The following EPHA6 variants were observed in gnomAD, a reference collection of about 807,000 sequenced individuals.
EPHA6 encodes the protein EPH receptor A6, also known as ephrin type-A receptor 6.
In EPHA6, 50 loss-of-function variants were observed where a neutral mutation model predicts 112.0. The ratio of observed to expected loss-of-function variants is 0.45; its 90% CI spans 0.36 to 0.56. The LOEUF (loss-of-function observed/expected upper bound fraction) is 0.56. EPHA6 is among the 20% of genes least tolerant of loss of function. The pLI, the probability that EPHA6 is intolerant of heterozygous loss-of-function variation, is 0.00. For missense variants in EPHA6, 1,280 were observed against 1,417.4 expected (o/e 0.90, Z 1.56); for synonymous variants, 529 against 490.7 (o/e 1.08, Z -1.03).
chr3:97,098,208 C>A (rs535413658), intron 3 of EPHA6, among the ~76,000 whole-genome samples: 67 of 151,992 alleles, frequency 4.4e-4, no homozygotes, highest in Middle Eastern at 6.8e-3. Context: ...GTGCTGGACC[C>A]AGGGATTGGA....
chr3:97,008,274 C>T (rs1490026993), intron 3 of EPHA6, among the ~76,000 whole-genome samples: 1 of 152,134 alleles, frequency 6.6e-6, no homozygotes, highest in African/African-American at 2.4e-5. Context: ...TTTATGAAGT[C>T]ACATGTTTTT....
chr3:97,421,890 G>T (rs972963406), intron 6 of EPHA6, among the ~76,000 whole-genome samples: 1 of 151,824 alleles, frequency 6.6e-6, no homozygotes, highest in African/African-American at 2.4e-5. Flanking sequence ...CTAGGTAATA[G>T]GTACTGGGTA....
In EPHA6 at chr3:97,085,948, T is replaced by TATATATATAC. The variant is rs984404779; in HGVS notation, c.1114+97956_1114+97957insTATATATACA. Among the ~76,000 whole-genome samples the TATATATATAC allele has an allele frequency of 4.1e-4, 59 of 145,162 alleles. 1 individual carries two copies. The highest frequency in any genetic ancestry group is 1.1e-3 in the African/African-American group (39 of 36,328). ...GATGTCATATATATATATATATATA[T>TATATATATAC]ACACACTGAGATGGAGTCTCTTGTC... On this transcript the variant is annotated intron_variant, in intron 3 of 17. Transcript: ENST00000389672.
At chr3:97,669,253 TC>T (rs2030521494) in intron 14 of EPHA6, among the ~76,000 whole-genome samples, 1 of 151,968 alleles carries the variant, frequency 6.6e-6, no homozygotes, top group Non-Finnish European at 1.5e-5. Flanking sequence ...TCTTTTACTT[TC>T]TGTTTTGTTT....
chr3:97,615,398 C>G (rs2093757148), intron 13 of EPHA6, among the ~76,000 whole-genome samples: 1 of 152,140 alleles, frequency 6.6e-6, no homozygotes, highest in Non-Finnish European at 1.5e-5. Context: ...GACAGTGACT[C>G]AGGCAAGGTG....
intron 2 of EPHA6, among the ~76,000 whole-genome samples, chr3:96,881,326 T>G (rs1245843528): frequency 6.6e-6 from 1 of 152,190 alleles, no homozygotes; most frequent in African/African-American, 2.4e-5. Context: ...TCCACTTGGC[T>G]GGGGAAGCCT....
intron 3 of EPHA6, among the ~76,000 whole-genome samples, chr3:97,005,407 A>T (rs1477837776): frequency 1.3e-5 from 2 of 151,658 alleles, no homozygotes; most frequent in Non-Finnish European, 1.5e-5. Context: ...TCATGATTTG[A>T]CTCTCCGCTT....
At chr3:96,964,958 C>T (rs1434594677) in intron 2 of EPHA6, among the ~76,000 whole-genome samples, 1 of 152,080 alleles carries the variant, frequency 6.6e-6, no homozygotes, top group African/African-American at 2.4e-5. Context: ...CCCCCAGAAT[C>T]ACAGAAAATT....
intron 12 of EPHA6, among the ~76,000 whole-genome samples, chr3:97,601,243 C>T (rs2093640897): frequency 6.6e-6 from 1 of 152,088 alleles, no homozygotes; most frequent in Non-Finnish European, 1.5e-5. Flanking sequence ...AAGAAAAATT[C>T]TGAAAATCTT....
chr3:97,274,845 T>A lies in EPHA6; in HGVS notation c.1606+30558T>A, dbSNP rs1248560340. On this transcript the variant is annotated intron_variant, in intron 5 of 17. Transcript: ENST00000389672. ...GGGTCAGGTGTGGTATCCAGAATAA[T>A]GTGGGAGGCCGGATTGAAGTCCAGG... Among the ~76,000 whole-genome samples, 5 of 152,046 alleles carry A rather than the reference T, an allele frequency of 3.3e-5. No homozygotes were observed. The East Asian group carries it at 9.7e-4, about 29-fold the overall frequency.
At chr3:97,260,956 A>T (rs2079481224) in intron 5 of EPHA6, among the ~76,000 whole-genome samples, 1 of 152,218 alleles carries the variant, frequency 6.6e-6, no homozygotes, top group South Asian at 2.1e-4. Context: ...AGATGCAAAC[A>T]CCACAACCAC....
Position 97,592,700 on chromosome 3 carries a change from G to A in EPHA6, c.2475G>A (p.Val825=). The change falls in exon 12 of 18, where the codon GTG becomes GTA. Residue 825 remains valine, a synonymous_variant. Coordinates refer to ENST00000389672, the MANE Select transcript of EPHA6 (RefSeq NM_001080448.3). ...FLNSIQAPHP[V]PGGGSLPPRI... ...ATAGCATCCAGGCCCCGCATCCAGTGCCAGGGGGAGGATCTTTGCCCCCCA... is the reference window on the plus strand; with the variant it reads ...ATAGCATCCAGGCCCCGCATCCAGTACCAGGGGGAGGATCTTTGCCCCCCA... 1.2e-6 allele frequency: 2 copies of A among 1,604,270 alleles called. No individual in the cohort carries two copies. Among genetic ancestry groups the A allele is most frequent in the Non-Finnish European group, 1.7e-6 (2 of 1,177,392 alleles).
At chr3:97,119,714 G>A (rs955556324) in intron 3 of EPHA6, among the ~76,000 whole-genome samples, 1 of 151,932 alleles carries the variant, frequency 6.6e-6, no homozygotes. Flanking sequence ...CTGAACTTAC[G>A]GAAAAGGCAG....
chr3:97,125,744 G>A (rs773320135), intron 3 of EPHA6, among the ~76,000 whole-genome samples: 7 of 152,068 alleles, frequency 4.6e-5, no homozygotes, highest in African/African-American at 9.7e-5. Flanking sequence ...GTACTCAAAC[G>A]TGTTTAATTA....
intron 6 of EPHA6, among the ~76,000 whole-genome samples, chr3:97,414,160 T>G (rs2087935452): frequency 6.6e-6 from 1 of 152,076 alleles, no homozygotes; most frequent in South Asian, 2.1e-4. Context: ...TGGTCTGATA[T>G]AGGGTTGAGT....
At chr3:97,339,266 T>C (rs1328548876) in intron 5 of EPHA6, among the ~76,000 whole-genome samples, 1 of 152,112 alleles carries the variant, frequency 6.6e-6, no homozygotes, top group Non-Finnish European at 1.5e-5. Flanking sequence ...TGTAAACAAA[T>C]ACATCTCTAA....
intron 3 of EPHA6, among the ~76,000 whole-genome samples, chr3:97,205,740 G>A (rs1001417067): frequency 2.0e-5 from 3 of 152,056 alleles, no homozygotes; most frequent in Non-Finnish European, 2.9e-5. Context: ...TGACTATTTT[G>A]TGTATAGCAG....
At chr3:97,164,513 A>G (rs1293100250) in intron 3 of EPHA6, among the ~76,000 whole-genome samples, 2 of 152,004 alleles carry the variant, frequency 1.3e-5, no homozygotes, top group Non-Finnish European at 2.9e-5. Context: ...TAGTGTTATT[A>G]TGTCCTTTAA....
intron 11 of EPHA6, among the ~76,000 whole-genome samples, chr3:97,585,125 A>T (rs953060812): frequency 2.2e-4 from 33 of 152,214 alleles, no homozygotes; most frequent in African/African-American, 7.7e-4. Context: ...CACTTAGGGA[A>T]AATACATGCT....
Sources: gnomAD v4.1 joint callset for allele counts (sites outside exome capture counted in the v4.1 genomes callset) on GRCh38, gnomAD v4.1.1 for gene constraint, MANE v1.5 for transcripts, NCBI Gene and HGNC (gene_info 2026-07-23, HGNC 2026-07-21) for gene names.